Variants in PCDHGB5 observed in about 807,000 individuals in gnomAD.
The protein encoded by PCDHGB5 is protocadherin gamma-B5.
A neutral mutation model predicts 62.9 loss-of-function variants in PCDHGB5; 48 were observed. The ratio of observed to expected loss-of-function variants is 0.76; its 90% confidence interval spans 0.61 to 0.97. The LOEUF is 0.97. Among genes scored for constraint, PCDHGB5 ranks in the 50% least tolerant of loss-of-function variants. PCDHGB5 has a pLI of 0.00. For missense variants in PCDHGB5, 1,118 were observed against 1,198.6 expected (o/e 0.93, Z 0.99); for synonymous variants, 474 against 511.2 (o/e 0.93, Z 0.98).
At chr5:141,421,159 C>G (rs2096549842) in intron 1 of PCDHGB5, 3 of 1,236,898 alleles carry the variant, frequency 2.4e-6, no homozygotes. Flanking sequence ...CCTAGGACTT[C>G]ATAGATACAT....
Position 141,399,203 on chromosome 5 carries a change from G to C in PCDHGB5, c.1076G>C (p.Gly359Ala). The C allele has an allele frequency of 6.2e-7, 1 of 1,613,940 alleles. No individual in the cohort carries two copies. The highest frequency in any genetic ancestry group is 1.6e-4 in the Middle Eastern group (1 of 6,062). ...ATGATTCTGGAAAACGCGGTGCCTG[G>C]AACACTAATTGCTTTGATCAAAATA... ...LEMILENAVP[G>A]TLIALIKIHD... The change falls in exon 1 of 4, where the codon GGA becomes GCA. Residue 359 changes from glycine (G) to alanine (A), a missense_variant. Physicochemically the swap from Gly to Ala is moderately conservative, Grantham distance 60 (BLOSUM62 0). Transcript: ENST00000617380.
chr5:141,428,891 G>A (rs1382228334), intron 1 of PCDHGB5: 3 of 149,832 alleles, frequency 2.0e-5, no homozygotes, highest in East Asian at 3.9e-4. Flanking sequence ...GTCTCGCTCT[G>A]TGGTCCAGGC....
At chr5:141,441,325 T>C (rs961263461) in intron 1 of PCDHGB5, 1 of 152,192 alleles carries the variant, frequency 6.6e-6, no homozygotes, top group African/African-American at 2.4e-5. Flanking sequence ...AGAAAAATCT[T>C]CCTCCAATAA....
chr5:141,464,079 A>G (rs996899520), intron 1 of PCDHGB5, among the ~76,000 whole-genome samples: 3 of 152,124 alleles, frequency 2.0e-5, no homozygotes, highest in Non-Finnish European at 4.4e-5. Flanking sequence ...AGCCTGGCCA[A>G]CATGGTGAAA....
chr5:141,486,091 G>A lies in PCDHGB5; in HGVS notation c.2398-8716G>A, dbSNP rs2099624256. On this transcript the variant is annotated intron_variant, in intron 1 of 3. Coordinates refer to ENST00000617380, the MANE Select transcript of PCDHGB5 (RefSeq NM_018925.3). This position sits in a 1 kb window ranked among gnomAD's most constrained non-coding sequence, Gnocchi z 5.0. ...CTACTGGAAAGCTTACTCTTTTGGGGCCCCTAGACTTTGAGAGTGAGAATT... is the reference window on the plus strand; with the variant it reads ...CTACTGGAAAGCTTACTCTTTTGGGACCCCTAGACTTTGAGAGTGAGAATT... 2 of 1,614,158 alleles carry A rather than the reference G, an allele frequency of 1.2e-6. No homozygotes were observed. Among genetic ancestry groups the A allele is most frequent in the Non-Finnish European group, 1.7e-6 (2 of 1,180,024 alleles).
At chr5:141,409,137 T>G (rs748502213) in intron 1 of PCDHGB5, 1 of 1,613,936 alleles carries the variant, frequency 6.2e-7, no homozygotes, top group Non-Finnish European at 8.5e-7. Flanking sequence ...TTTGAAGATG[T>G]AGAAAGGTAC....
chr5:141,494,556 T>C (rs909822734), intron 1 of PCDHGB5, among the ~76,000 whole-genome samples: 18 of 152,120 alleles, frequency 1.2e-4, no homozygotes, highest in African/African-American at 4.3e-4. Context: ...GCCATTTCTT[T>C]AGGAAAGGAG....
At chr5:141,459,075 G>T (rs562572838) in intron 1 of PCDHGB5, among the ~76,000 whole-genome samples, 1 of 152,134 alleles carries the variant, frequency 6.6e-6, no homozygotes, top group Non-Finnish European at 1.5e-5. Context: ...CATAAAATTT[G>T]CCTTTTAAAA....
Position 141,447,676 on chromosome 5 carries a change from C to T in PCDHGB5, c.2398-47131C>T, listed in dbSNP as rs1466767844. Among the ~76,000 whole-genome samples the T allele has an allele frequency of 2.6e-5, 4 of 152,104 alleles. No individual in the cohort carries two copies. The East Asian group carries it at 7.7e-4, about 29-fold the overall frequency. On this transcript the variant is annotated intron_variant, in intron 1 of 3. Coordinates refer to ENST00000617380, the MANE Select transcript of PCDHGB5 (RefSeq NM_018925.3). The stretch of plus-strand genomic sequence containing the variant: ...CCCCCCCAGGAAGTTAGAACTGTTC[C>T]ATATCTTGATAGAGGGATGGGTTAT...
chr5:141,480,145 C>A (rs1331658762), intron 1 of PCDHGB5, among the ~76,000 whole-genome samples: 1 of 151,968 alleles, frequency 6.6e-6, no homozygotes, highest in Non-Finnish European at 1.5e-5. Context: ...CAATTATTAG[C>A]CAGCTCCTAG....
At chr5:141,475,145 C>T (rs1214674720) in intron 1 of PCDHGB5, among the ~76,000 whole-genome samples, 2 of 151,980 alleles carry the variant, frequency 1.3e-5, no homozygotes, top group Non-Finnish European at 1.5e-5. Flanking sequence ...AAATCTTCTC[C>T]GTCTTCTTCT....
chr5:141,413,824 A>C, intron 1 of PCDHGB5: 1 of 1,613,112 alleles, frequency 6.2e-7, no homozygotes, highest in South Asian at 1.1e-5. Flanking sequence ...CCTGGTCCTC[A>C]CCGCCTCCGA....
chr5:141,405,331 C>G (rs1561699778), intron 1 of PCDHGB5: 1 of 1,614,186 alleles, frequency 6.2e-7, no homozygotes, highest in Non-Finnish European at 8.5e-7. Flanking sequence ...CTTTGTGCGT[C>G]TCTGTTGATT....
chr5:141,467,055 CTTT>C (rs1193465269), intron 1 of PCDHGB5, among the ~76,000 whole-genome samples: 5 of 134,460 alleles, frequency 3.7e-5, no homozygotes, highest in Admixed American at 7.5e-5. Context: ...TCAATGTTTT[CTTT>C]TTTTTTTTTT....
chr5:141,405,648 G>A (rs936380418), intron 1 of PCDHGB5: 3 of 523,734 alleles, frequency 5.7e-6, no homozygotes, highest in East Asian at 3.2e-5. Flanking sequence ...CTAATTTTTT[G>A]TGTGTTTTTA....
chr5:141,418,277 T>G, intron 1 of PCDHGB5: 2 of 1,614,026 alleles, frequency 1.2e-6, no homozygotes, highest in Non-Finnish European at 1.7e-6. Flanking sequence ...TGAAATAAAC[T>G]TAGAAATCAG....
intron 1 of PCDHGB5, among the ~76,000 whole-genome samples, chr5:141,460,889 G>A (rs901987902): frequency 3.3e-5 from 5 of 150,280 alleles, no homozygotes; most frequent in East Asian, 3.9e-4. Flanking sequence ...ATGCCTTTTC[G>A]TGGCTGAGTA....
At chr5:141,418,149 AAG>A (rs768024698) in intron 1 of PCDHGB5, 1 of 1,613,982 alleles carries the variant, frequency 6.2e-7, no homozygotes, top group Non-Finnish European at 8.5e-7. Flanking sequence ...CAAATATGCA[AAG>A]AGAGAAGAAG....
rs2093981639 is a variant in PCDHGB5 at position 141,400,215 on chromosome 5, A to G, written c.2088A>G (p.Ser696=). Residue 696 remains serine (S), a synonymous_variant, in exon 1 of 4, where the codon TCA becomes TCG. Transcript: ENST00000617380. The part of the protein sequence containing the change: ...FYLVVALALI[S]VLFLLAVILA... ...TAGTGGTGGCCTTGGCCTTGATCTC[A>G]GTGCTCTTCCTCCTGGCCGTGATTC... 3 of 1,613,736 alleles carry G rather than the reference A, an allele frequency of 1.9e-6. No individual in the cohort carries two copies. The East Asian group carries it at 6.7e-5, about 36-fold the overall frequency.
Sources: allele counts gnomAD v4.1 joint callset (sites outside exome capture counted in the v4.1 genomes callset), GRCh38; gene constraint gnomAD v4.1.1; non-coding constraint Gnocchi (gnomAD v3.1); transcripts MANE v1.5; gene names NCBI Gene and HGNC (gene_info 2026-07-23, HGNC 2026-07-21).